The following KLHL15 variants were observed in gnomAD, a reference collection of about 807,000 sequenced individuals.
KLHL15 encodes the protein kelch like family member 15.
Under a neutral mutation model 29.3 loss-of-function variants are expected in KLHL15, and 1 was observed. The observed-to-expected ratio is 0.03, with a 90% CI of 0.01 to 0.16. The LOEUF is 0.16. Ranked by LOEUF, KLHL15 falls within the 10% of genes least tolerant of loss-of-function variation. KLHL15 has a pLI of 1.00. For missense variants in KLHL15, 215 were observed against 478.5 expected, an observed-to-expected ratio of 0.45 and a Z score of 5.14; for synonymous variants, 212 against 184.5, an observed-to-expected ratio of 1.15 and a Z score of -1.21.
intron 3 of KLHL15, among the ~76,000 whole-genome samples, chrX:23,992,350 C>A (rs1929103966): frequency 8.9e-6 from 1 of 111,998 alleles, no homozygotes; most frequent in South Asian, 3.7e-4. Context: ...TTATTAATGA[C>A]CAGGGCACAT....
intron 1 of KLHL15, among the ~76,000 whole-genome samples, chrX:24,026,138 G>A (rs1929929569): frequency 8.9e-6 from 1 of 112,074 alleles, no homozygotes; most frequent in African/African-American, 3.2e-5. Flanking sequence ...AAGGCAACTT[G>A]CAGTGGACTA....
intron 1 of KLHL15, among the ~76,000 whole-genome samples, chrX:24,025,571 C>T (rs1231751264): frequency 9.2e-6 from 1 of 108,733 alleles, no homozygotes; most frequent in Non-Finnish European, 1.9e-5. Flanking sequence ...CGGGAGGCCC[C>T]CCCCTCGGCC....
At chrX:24,002,499 ATTTC>A (rs749878531) in intron 3 of KLHL15, among the ~76,000 whole-genome samples, 5 of 111,862 alleles carry the variant, frequency 4.5e-5, no homozygotes, top group Non-Finnish European at 9.4e-5. Context: ...TAAAATTTCA[ATTTC>A]TTTGATTATT....
chrX:23,998,143 A>G (rs1226537328), intron 3 of KLHL15, among the ~76,000 whole-genome samples: 1 of 108,133 alleles, frequency 9.2e-6, no homozygotes, highest in Non-Finnish European at 1.9e-5. Context: ...TTGTATTTTT[A>G]GTAGAGATGA....
intron 3 of KLHL15, among the ~76,000 whole-genome samples, chrX:23,989,593 G>A (rs1449883917): frequency 9.0e-6 from 1 of 111,724 alleles, no homozygotes; most frequent in Non-Finnish European, 1.9e-5. Flanking sequence ...ATGAGGACAA[G>A]TACAGGGCTT....
chrX:23,998,504 G>A (rs761888102), intron 3 of KLHL15, among the ~76,000 whole-genome samples: 11 of 111,584 alleles, frequency 9.9e-5, no homozygotes, highest in South Asian at 3.7e-4. Flanking sequence ...TGATCTGCCC[G>A]CCTCGGCGTC....
At chrX:24,005,027 C>G (rs1929418718) in intron 3 of KLHL15, among the ~76,000 whole-genome samples, 2 of 110,987 alleles carry the variant, frequency 1.8e-5, no homozygotes, top group South Asian at 7.5e-4. Flanking sequence ...ATAACCAGGT[C>G]TAATAACTAA....
intron 3 of KLHL15, among the ~76,000 whole-genome samples, chrX:23,990,927 T>G (rs1161722581): frequency 9.0e-6 from 1 of 111,527 alleles, no homozygotes; most frequent in Middle Eastern, 4.2e-3. Context: ...CTGGTTTCCT[T>G]TGTAATGTCA....
chrX:24,004,823 T>G (rs1312856079), intron 3 of KLHL15, among the ~76,000 whole-genome samples: 1 of 109,267 alleles, frequency 9.2e-6, no homozygotes, highest in Admixed American at 9.9e-5. Flanking sequence ...CATACATATA[T>G]ATAATTTAGT....
intron 3 of KLHL15, among the ~76,000 whole-genome samples, chrX:23,997,144 G>GATTCTA (rs10680202): frequency 0.47 from 51,680 of 111,128 alleles, 10,371 homozygotes; most frequent in African/African-American, 0.79. Context: ...CTCAGGGCAA[G>GATTCTA]AGAGTTTTAG....
chrX:23,989,292 G>A (rs181867733), intron 3 of KLHL15, among the ~76,000 whole-genome samples: 2,996 of 108,473 alleles, frequency 0.028, 46 homozygotes, highest in Non-Finnish European at 0.044. Flanking sequence ...CCAGGTTCAA[G>A]CACTTCTCTG....
intron 3 of KLHL15, among the ~76,000 whole-genome samples, chrX:23,995,592 T>C (rs1302485871): frequency 9.0e-6 from 1 of 110,557 alleles, no homozygotes; most frequent in Non-Finnish European, 1.9e-5. Flanking sequence ...AGACGGTATA[T>C]ACAAATTACC....
chrX:24,006,456 T>G lies in KLHL15; in HGVS notation c.238A>C (p.Thr80Pro). 1 of 1,210,920 alleles carries G rather than the reference T, an allele frequency of 8.3e-7. No individual in the cohort carries two copies. ...DKIHLKGLTA[T>P]GFSHVLQFMY... ...AATTGCAGGACATGGCTGAAACCGGTAGCTGTTAGACCTTTTAAATGAATT... is the reference window on the plus strand; with the variant it reads ...AATTGCAGGACATGGCTGAAACCGGGAGCTGTTAGACCTTTTAAATGAATT... The change falls in exon 3 of 4, where the codon ACC becomes CCC. Residue 80 changes from threonine (T) to proline (P), a missense_variant. Physicochemically the swap from Thr to Pro is conservative, Grantham distance 38 (BLOSUM62 -1). Coordinates refer to ENST00000328046, the MANE Select transcript of KLHL15 (RefSeq NM_030624.3).
At chrX:24,008,823 T>C (rs1368729943) in intron 2 of KLHL15, among the ~76,000 whole-genome samples, 1 of 102,865 alleles carries the variant, frequency 9.7e-6, no homozygotes, top group Non-Finnish European at 1.9e-5. Context: ...AAGTCACAGC[T>C]TCCAGGCCTC....
At chrX:24,003,272 G>A (rs1373523948) in intron 3 of KLHL15, among the ~76,000 whole-genome samples, 2 of 110,518 alleles carry the variant, frequency 1.8e-5, no homozygotes, top group African/African-American at 6.6e-5. Context: ...ATGGCCAGGC[G>A]CGGTGGCTCA....
chrX:24,015,695 G>C (rs764214762), intron 2 of KLHL15, among the ~76,000 whole-genome samples: 1 of 112,441 alleles, frequency 8.9e-6, no homozygotes, highest in Non-Finnish European at 1.9e-5. Flanking sequence ...CAGCCTCTCT[G>C]TGCTCTAAAA....
intron 3 of KLHL15, among the ~76,000 whole-genome samples, chrX:23,989,343 A>T (rs972430586): frequency 3.7e-5 from 4 of 109,382 alleles, no homozygotes; most frequent in African/African-American, 3.3e-5. Flanking sequence ...CGCCCAGCTA[A>T]TTTTTTTATT....
At chrX:24,022,404 CGG>C (rs71904446) in intron 2 of KLHL15, among the ~76,000 whole-genome samples, 39,780 of 100,356 alleles carry the variant, frequency 0.4, 7,518 homozygotes, top group South Asian at 0.75. Flanking sequence ...GAAGCCAAGG[CGG>C]GTAGATCACT....
At chrX:24,022,259 C>T (rs1443572068) in intron 2 of KLHL15, among the ~76,000 whole-genome samples, 1 of 104,457 alleles carries the variant, frequency 9.6e-6, no homozygotes, top group African/African-American at 3.6e-5. Flanking sequence ...CACTTGAACC[C>T]GGGAGGCGGA....
Sources: allele counts gnomAD v4.1 joint callset (sites outside exome capture counted in the v4.1 genomes callset), GRCh38; gene constraint gnomAD v4.1.1; transcripts MANE v1.5; gene names NCBI Gene and HGNC (gene_info 2026-07-23, HGNC 2026-07-21).